XPC: variants seen among roughly 807,000 people sequenced by gnomAD.
The protein encoded by XPC is DNA repair protein complementing XP-C cells.
In XPC, 76 loss-of-function variants were observed where a neutral mutation model predicts 95.8. The observed-to-expected ratio is 0.79, with a 90% CI of 0.66 to 0.96. The LOEUF is 0.96. Among genes scored for constraint, XPC ranks in the 40% least tolerant of loss-of-function variants. The pLI is 0.00. For synonymous variants in XPC, 442 were observed against 442.1 expected (o/e 1.00, Z 0.00); for missense variants, 1,146 against 1,179.8 (o/e 0.97, Z 0.42).
chr3:14,158,131 CCT>C lies in XPC; in HGVS notation c.1750_1751del (p.Arg584ValfsTer15), dbSNP rs752030576. On this transcript the variant is annotated frameshift_variant, in exon 9 of 16. Coordinates refer to ENST00000285021, the MANE Select transcript of XPC (RefSeq NM_004628.5). LOFTEE classifies it high-confidence loss of function. The surrounding 1 kb of genome is among the most constrained non-coding windows in gnomAD (Gnocchi z 5.2). ...SDGWVRDVTQ[R>X]YDPVWMTVTR... ...TCACTGTCATCCAGACTGGGTCGTA[CCT>C]CTGTGTGACATCTCGGACCCAGCCG... The C allele has an allele frequency of 1.2e-6, 2 of 1,613,986 alleles. No individual in the cohort carries two copies.
chr3:14,177,465 G>T (rs1046161441), intron 1 of XPC, among the ~76,000 whole-genome samples: 10 of 152,074 alleles, frequency 6.6e-5, no homozygotes, highest in Admixed American at 6.6e-4. Flanking sequence ...AAGCCATGGG[G>T]GGTTCACTCT....
At chr3:14,152,510 C>T in intron 10 of XPC, 94 bp from the exon 11 acceptor site, 11 of 1,278,590 alleles carry the variant, frequency 8.6e-6, no homozygotes, top group African/African-American at 1.5e-5. Flanking sequence ...CAGGCTCCCT[C>T]CTCAGGTTCA....
intron 10 of XPC, among the ~76,000 whole-genome samples, chr3:14,155,285 T>C (rs1695856449): frequency 6.6e-6 from 1 of 152,254 alleles, no homozygotes; most frequent in South Asian, 2.1e-4. Flanking sequence ...TTTTCTCTTT[T>C]CTGTACCTTC....
chr3:14,148,995 C>T, intron 11 of XPC, 47 bp from the exon 12 acceptor site: 8 of 1,607,892 alleles, frequency 5.0e-6, no homozygotes, highest in Non-Finnish European at 6.8e-6. Context: ...GCATCCAGTT[C>T]CTCAGCACCG....
At chr3:14,149,210 A>T (rs1695584232) in intron 11 of XPC, among the ~76,000 whole-genome samples, 2 of 151,808 alleles carry the variant, frequency 1.3e-5, no homozygotes, top group African/African-American at 4.8e-5. Flanking sequence ...CAGCCTCCTG[A>T]GTAGCTGGGA....
Position 14,159,747 on chromosome 3 carries a change from T to C in XPC, c.984A>G (p.Thr328=). 6.4e-7 allele frequency: 1 copy of C among 1,561,870 alleles called. No homozygotes were observed. ...SLQPIPLKSA[T]AKGKKPSKER... Reference sequence around the variant, plus strand: ...GCAGCCCTGCGCACCTCACCTTTGCTGTTGCTGACTTCAGAGGAATTGGCT... The same window carrying C: ...GCAGCCCTGCGCACCTCACCTTTGCCGTTGCTGACTTCAGAGGAATTGGCT... Residue 328 remains threonine (T), a synonymous_variant, in exon 8 of 16, where the codon ACA becomes ACG. Coordinates refer to ENST00000285021, the MANE Select transcript of XPC (RefSeq NM_004628.5).
intron 7 of XPC, among the ~76,000 whole-genome samples, chr3:14,161,599 A>G (rs1461264843): frequency 6.7e-6 from 1 of 149,822 alleles, no homozygotes; most frequent in Admixed American, 6.7e-5. Flanking sequence ...AGAAAAACGC[A>G]CCTGAGACAA....
intron 7 of XPC, 100 bp from the exon 8 acceptor site, chr3:14,159,930 G>T: frequency 2.5e-6 from 3 of 1,177,266 alleles, no homozygotes; most frequent in Non-Finnish European, 1.2e-6. Context: ...ACAGGGAAAA[G>T]CTGGAAACAG....
chr3:14,152,827 A>G (rs1280004177), intron 10 of XPC: 1 of 164,688 alleles, frequency 6.1e-6, no homozygotes, highest in Non-Finnish European at 1.3e-5. Context: ...TGTTAACACC[A>G]TGTGGGGGAG....
At position 14,148,558 on chromosome 3, in the gene XPC, G is replaced by A. The variant is rs753373269; in HGVS notation, c.2420+4C>T. The A allele has an allele frequency of 6.2e-6, 10 of 1,613,450 alleles. No individual in the cohort carries two copies. The highest frequency in any genetic ancestry group is 5.3e-5 in the African/African-American group (4 of 74,904). On this transcript the variant is annotated splice_donor_region_variant and intron_variant, in intron 13 of 15. Coordinates refer to ENST00000285021, the MANE Select transcript of XPC (RefSeq NM_004628.5). Reference sequence around the variant, plus strand: ...TTAGCCTCCATCGAAGGCCCCTCACGCACACGGGATGGGAGTAGCCGCCAT... The same window carrying A: ...TTAGCCTCCATCGAAGGCCCCTCACACACACGGGATGGGAGTAGCCGCCAT...
chr3:14,147,624 T>C lies in XPC; in HGVS notation c.2515-245A>G, dbSNP rs1695493483. ...ACTCCAAAATCTTTAGTGGGTGAGG[T>C]CTTCCAGAACCTGGACACAGGCAAT... On this transcript the variant is annotated intron_variant, in intron 14 of 15. Coordinates refer to ENST00000285021, the MANE Select transcript of XPC (RefSeq NM_004628.5). The C allele has an allele frequency of 5.0e-6, 3 of 602,154 alleles. No homozygotes were observed. The Admixed American group carries it at 9.2e-5, about 18-fold the overall frequency. 37.3% of individuals were successfully genotyped at this position (602,154 alleles called of 1,614,324 possible).
intron 15 of XPC, among the ~76,000 whole-genome samples, chr3:14,147,087 A>G (rs1695469634): frequency 6.6e-6 from 1 of 152,222 alleles, no homozygotes; most frequent in Admixed American, 6.5e-5. Context: ...CTTGGGGCAG[A>G]AGAGCCAGCT....
chr3:14,167,334 CG>C, intron 4 of XPC, 81 bp from the exon 5 acceptor site: 7 of 1,227,528 alleles, frequency 5.7e-6, no homozygotes, highest in Non-Finnish European at 8.0e-6. Context: ...TCCTTCTCCT[CG>C]GATGACAGTG....
In XPC at chr3:14,145,577, A is replaced by G. The variant is rs1695386538; in HGVS notation, c.*364T>C. 1.4e-6 allele frequency: 1 copy of G among 699,802 alleles called. No individual in the cohort carries two copies. 43.3% of individuals were successfully genotyped at this position (699,802 alleles called of 1,614,324 possible). A position where few individuals can be genotyped will look rare whatever the true frequency, so the allele number is the denominator to read the frequency against. ...CATTCACGGATGCACCACCATCCAG[A>G]AATCTCCCGGTGGCTTCCATACAAA... On this transcript the variant is annotated 3_prime_UTR_variant, in exon 16 of 16. Coordinates refer to ENST00000285021, the MANE Select transcript of XPC (RefSeq NM_004628.5).
intron 13 of XPC, 101 bp downstream of exon 13, chr3:14,148,461 G>T: frequency 2.0e-6 from 3 of 1,479,432 alleles, no homozygotes; most frequent in Non-Finnish European, 9.1e-7. Context: ...GAGCCACCAG[G>T]CCTCAACTCC....
At chr3:14,159,353 T>C (rs1246230568) in intron 8 of XPC, among the ~76,000 whole-genome samples, 1 of 152,146 alleles carries the variant, frequency 6.6e-6, no homozygotes, top group African/African-American at 2.4e-5. Flanking sequence ...TTCTAGACCA[T>C]CAGGCTTCAG....
intron 5 of XPC, among the ~76,000 whole-genome samples, chr3:14,166,205 C>A (rs1696371900): frequency 6.6e-6 from 1 of 152,102 alleles, no homozygotes; most frequent in Non-Finnish European, 1.5e-5. Context: ...TGGCTTCCTC[C>A]CCCCCGACTA....
rs145272159 is a variant in XPC at position 14,164,181 on chromosome 3, A to G, written c.900+632T>C. 6.7e-3 allele frequency among the ~76,000 whole-genome samples: 1,026 copies of G among 152,368 alleles called. 16 individuals carry two copies. The highest frequency in any genetic ancestry group is 0.023 in the African/African-American group (970 of 41,576). On this transcript the variant is annotated intron_variant, in intron 7 of 15. Coordinates refer to ENST00000285021, the MANE Select transcript of XPC (RefSeq NM_004628.5). ...AAAGATGTCAACCATCTTTTTCTCCAGAGAATCTGGGACTCCCAGATTGAA... is the reference window on the plus strand; with the variant it reads ...AAAGATGTCAACCATCTTTTTCTCCGGAGAATCTGGGACTCCCAGATTGAA...
Position 14,176,507 on chromosome 3 carries a change from GAT to G in XPC, c.103+1957_103+1958del, listed in dbSNP as rs541676590. On this transcript the variant is annotated intron_variant, in intron 1 of 15. Transcript: ENST00000285021. ...TCAACACTACTCTATGATCCTCCAA[GAT>G]ATGTTTATCTCTCATGTCACCTCAT... 1.4e-4 allele frequency among the ~76,000 whole-genome samples: 22 copies of G among 152,272 alleles called. No individual in the cohort carries two copies. In the South Asian group the frequency reaches 2.9e-3, roughly 20 times the overall value.
Sources: allele counts gnomAD v4.1 joint callset (sites outside exome capture counted in the v4.1 genomes callset), GRCh38; gene constraint gnomAD v4.1.1; non-coding constraint Gnocchi (gnomAD v3.1); transcripts MANE v1.5; gene names NCBI Gene and HGNC (gene_info 2026-07-23, HGNC 2026-07-21).